EYS: variants seen among roughly 807,000 people sequenced by gnomAD.
The protein encoded by EYS is protein eyes shut homolog.
A neutral mutation model predicts 282.1 loss-of-function variants in EYS; 250 were observed. The ratio of observed to expected loss-of-function variants is 0.89; its 90% CI spans 0.80 to 0.98. The LOEUF (loss-of-function observed/expected upper bound fraction) is 0.98, where lower values mean the gene tolerates loss of function less well. Among genes scored for constraint, EYS ranks in the 50% least tolerant of loss-of-function variants. The pLI, the probability that EYS is intolerant of heterozygous loss-of-function variation, is 0.00. For missense variants in EYS, 4,016 were observed against 3,709.0 expected (o/e 1.08, Z -2.15); for synonymous variants, 1,355 against 1,282.9 (o/e 1.06, Z -1.20).
intron 19 of EYS, among the ~76,000 whole-genome samples, chr6:64,825,536 G>T (rs1744789710): frequency 6.6e-6 from 1 of 151,770 alleles, no homozygotes; most frequent in African/African-American, 2.4e-5. Context: ...TATTTTCTCA[G>T]AAATCCCAGC....
chr6:65,384,294 C>G (rs1765721228), intron 8 of EYS, 92 bp downstream of exon 8: 2 of 743,364 alleles, frequency 2.7e-6, no homozygotes, highest in Non-Finnish European at 4.8e-6. Context: ...GTTTCTCTGG[C>G]TAAGATTAAT....
intron 22 of EYS, among the ~76,000 whole-genome samples, chr6:64,669,353 T>C (rs752710157): frequency 6.6e-6 from 1 of 151,996 alleles, no homozygotes; most frequent in African/African-American, 2.4e-5. Flanking sequence ...ATTCACCCTT[T>C]GATGCAAAAA....
intron 26 of EYS, among the ~76,000 whole-genome samples, chr6:64,446,346 G>A (rs1355972388): frequency 1.3e-5 from 2 of 151,962 alleles, no homozygotes; most frequent in South Asian, 4.2e-4. Flanking sequence ...TTTTTTAATA[G>A]ACTAGAAATA....
chr6:65,449,758 CT>C (rs1436119815), intron 5 of EYS, among the ~76,000 whole-genome samples: 6 of 151,918 alleles, frequency 3.9e-5, no homozygotes, highest in Non-Finnish European at 7.4e-5. Flanking sequence ...ATTTTGTTTC[CT>C]TTTTTTCCTC....
intron 26 of EYS, among the ~76,000 whole-genome samples, chr6:64,540,300 C>T (rs1764660982): frequency 6.6e-6 from 1 of 152,084 alleles, no homozygotes; most frequent in Non-Finnish European, 1.5e-5. Context: ...GCAGGACCTA[C>T]GGGTCTCACC....
intron 12 of EYS, among the ~76,000 whole-genome samples, chr6:65,278,391 A>ATG (rs1554177703): frequency 7.1e-6 from 1 of 141,794 alleles, no homozygotes; most frequent in Admixed American, 7.3e-5. Context: ...ATAGAAATGT[A>ATG]TTTTATATAT....
intron 30 of EYS, among the ~76,000 whole-genome samples, chr6:64,233,258 A>G (rs1015665485): frequency 5.3e-5 from 8 of 152,332 alleles, no homozygotes; most frequent in Non-Finnish European, 1.2e-4. Context: ...AGAAACATTA[A>G]TCATTTGATC....
intron 26 of EYS, among the ~76,000 whole-genome samples, chr6:64,548,586 C>A (rs1055901672): frequency 3.3e-5 from 5 of 152,038 alleles, no homozygotes; most frequent in African/African-American, 4.8e-5. Flanking sequence ...GGACAAAAAA[C>A]CAAACACCGC....
At position 63,974,815 on chromosome 6, in the gene EYS, C is replaced by A. The variant is rs148305389; in HGVS notation, c.7055+9568G>T. Among the ~76,000 whole-genome samples, 1,096 of 152,052 alleles carry A rather than the reference C, an allele frequency of 7.2e-3. 17 individuals carry two copies. Among genetic ancestry groups the A allele is most frequent in the African/African-American group, 0.024 (990 of 41,526 alleles). On this transcript the variant is annotated intron_variant, in intron 35 of 42. Transcript: ENST00000503581. ...CAACACTTATTTGCCGAAGATCTAT[C>A]AATAAATGCTTTCTGCCCTGTGAAA...
At chr6:64,675,169 G>A (rs747962278) in intron 22 of EYS, among the ~76,000 whole-genome samples, 2 of 151,962 alleles carry the variant, frequency 1.3e-5, no homozygotes, top group Non-Finnish European at 2.9e-5. Flanking sequence ...TTAAATTTTA[G>A]TCAGATTCCA....
At chr6:65,123,354 T>A (rs1286100226) in intron 12 of EYS, among the ~76,000 whole-genome samples, 1 of 152,186 alleles carries the variant, frequency 6.6e-6, no homozygotes, top group African/African-American at 2.4e-5. Flanking sequence ...GCTTTTAATA[T>A]ACCTTATTAG....
intron 30 of EYS, among the ~76,000 whole-genome samples, chr6:64,291,176 T>G (rs969597425): frequency 6.6e-6 from 1 of 151,802 alleles, no homozygotes; most frequent in Non-Finnish European, 1.5e-5. Flanking sequence ...TATAGATGCC[T>G]GAGGGGACTA....
chr6:65,523,307 C>A (rs1245415138), intron 2 of EYS, among the ~76,000 whole-genome samples: 1 of 151,864 alleles, frequency 6.6e-6, no homozygotes, highest in African/African-American at 2.4e-5. Context: ...TACACACACA[C>A]AAACATAGAG....
At chr6:64,293,489 AT>A (rs1768788434) in intron 30 of EYS, among the ~76,000 whole-genome samples, 2 of 152,072 alleles carry the variant, frequency 1.3e-5, no homozygotes, top group South Asian at 4.1e-4. Context: ...ATCACAACAC[AT>A]TCCTTCAGGA....
chr6:63,908,694 G>A (rs1470655372), intron 35 of EYS, among the ~76,000 whole-genome samples: 5 of 152,010 alleles, frequency 3.3e-5, no homozygotes, highest in South Asian at 2.1e-4. Flanking sequence ...CAGGTTATCC[G>A]CCCTCCTACG....
At chr6:64,416,518 C>CTTTTTTT (rs371267333) in intron 28 of EYS, among the ~76,000 whole-genome samples, 2 of 139,824 alleles carry the variant, frequency 1.4e-5, no homozygotes, top group Non-Finnish European at 3.1e-5. Context: ...GCCGTTAGGT[C>CTTTTTTT]TTTTTTTTTT....
intron 31 of EYS, among the ~76,000 whole-genome samples, chr6:64,084,585 A>G (rs1056918265): frequency 1.3e-5 from 2 of 152,176 alleles, no homozygotes; most frequent in Non-Finnish European, 2.9e-5. Flanking sequence ...AGTTAGTCTT[A>G]TACCCTCCCC....
At chr6:65,090,882 T>C (rs1033923118) in intron 12 of EYS, among the ~76,000 whole-genome samples, 2 of 152,062 alleles carry the variant, frequency 1.3e-5, no homozygotes, top group African/African-American at 4.8e-5. Flanking sequence ...AATACTAACC[T>C]GTCATAAGGT....
chr6:65,152,474 T>C (rs1002124025), intron 12 of EYS, among the ~76,000 whole-genome samples: 1 of 151,716 alleles, frequency 6.6e-6, no homozygotes, highest in Non-Finnish European at 1.5e-5. Context: ...TTTCTACAAA[T>C]ACAGACCAGG....
Sources: allele counts gnomAD v4.1 joint callset (sites outside exome capture counted in the v4.1 genomes callset), GRCh38; gene constraint gnomAD v4.1.1; transcripts MANE v1.5; gene names NCBI Gene and HGNC (gene_info 2026-07-23, HGNC 2026-07-21).